The following EFNB2 variants were observed in gnomAD, a reference collection of about 807,000 sequenced individuals.
The protein encoded by EFNB2 is ephrin B2, also known as ephrin-B2.
EFNB2 carries 5 observed loss-of-function variants against 32.1 expected under a neutral mutation model. That is an observed-to-expected ratio of 0.16 (90% CI 0.08 to 0.33). EFNB2 has a LOEUF of 0.33. Ranked by LOEUF, EFNB2 falls within the 10% of genes least tolerant of loss-of-function variation. EFNB2 has a pLI of 1.00. For synonymous variants in EFNB2, 168 were observed against 166.5 expected (o/e 1.01, Z -0.07); for missense variants, 263 against 422.6 (o/e 0.62, Z 3.31).
At chr13:106,522,087 A>T (rs2138934876) in intron 1 of EFNB2, among the ~76,000 whole-genome samples, 1 of 152,246 alleles carries the variant, frequency 6.6e-6, no homozygotes, top group East Asian at 1.9e-4. Flanking sequence ...CCCCAAAAAA[A>T]TCAGCCTATG....
Position 106,512,813 on chromosome 13 carries a change from C to A in EFNB2, c.123-1G>T, listed in dbSNP as rs1258869666. On this transcript the variant is annotated splice_acceptor_variant, in intron 1 of 4. Coordinates refer to ENST00000646441, the MANE Select transcript of EFNB2 (RefSeq NM_004093.4). LOFTEE classifies it high-confidence loss of function. ...TACCAGTCCTTGTCCAGGTAGAAAT[C>A]TAAAAGCATAAGAAAAAAAAGCCAT... The A allele has an allele frequency of 6.5e-7, 1 of 1,544,008 alleles. No individual in the cohort carries two copies.
In EFNB2 at chr13:106,492,881, A is replaced by T; in HGVS notation, c.*159T>A. 1 of 918,578 alleles carries T rather than the reference A, an allele frequency of 1.1e-6. No individual in the cohort carries two copies. 56.9% of individuals were successfully genotyped at this position (918,578 alleles called of 1,614,324 possible). A position where few individuals can be genotyped will look rare whatever the true frequency, so the allele number is the denominator to read the frequency against. On this transcript the variant is annotated 3_prime_UTR_variant, in exon 5 of 5. Transcript: ENST00000646441. This position sits in a 1 kb window ranked among gnomAD's most constrained non-coding sequence, Gnocchi z 5.1. ...AAGGCCGAATGCTACAAGACTAGGT[A>T]AGCTGTCCAGCGCGACGGGCTCTTC...
chr13:106,500,582 G>A (rs960247486), intron 2 of EFNB2, among the ~76,000 whole-genome samples: 9 of 152,186 alleles, frequency 5.9e-5, no homozygotes, highest in African/African-American at 1.7e-4. Flanking sequence ...CCAGGGTCAT[G>A]AAAACCACAG....
Position 106,492,988 on chromosome 13 carries a change from A to T in EFNB2, c.*52T>A, listed in dbSNP as rs1345155096. ...GGGCTCTCAAACCCTCAAGGGAGGC[A>T]TCGGGACATTAGGTGTCCTCTGGGA... On this transcript the variant is annotated 3_prime_UTR_variant, in exon 5 of 5. Transcript: ENST00000646441. This position sits in a 1 kb window ranked among gnomAD's most constrained non-coding sequence, Gnocchi z 5.1. 6 of 1,547,648 alleles carry T rather than the reference A, an allele frequency of 3.9e-6. No individual in the cohort carries two copies. In the East Asian group the frequency reaches 9.0e-5, roughly 23 times the overall value.
chr13:106,505,999 G>A (rs1229238580), intron 2 of EFNB2: 2 of 152,210 alleles, frequency 1.3e-5, no homozygotes, highest in Non-Finnish European at 2.9e-5. Flanking sequence ...AGAGCCAGGA[G>A]TTTCTCAGTG....
At position 106,496,003 on chromosome 13, in the gene EFNB2, G is replaced by C. The variant is rs1878576691; in HGVS notation, c.407-163C>G. 2.0e-5 allele frequency among the ~76,000 whole-genome samples: 3 copies of C among 152,026 alleles called. No individual in the cohort carries two copies. In the South Asian group the frequency reaches 6.2e-4, roughly 32 times the overall value. ...GTATGGGGATGCTGAAAGCCAAAAA[G>C]AAAAAGAAAAAGAAATAAAGAGAAA... On this transcript the variant is annotated intron_variant, in intron 2 of 4. Coordinates refer to ENST00000646441, the MANE Select transcript of EFNB2 (RefSeq NM_004093.4).
At chr13:106,510,149 G>C (rs906442918) in intron 2 of EFNB2, 1 of 152,180 alleles carries the variant, frequency 6.6e-6, no homozygotes. Flanking sequence ...CTGATGGCCA[G>C]AGTAGTTCAG....
In EFNB2 at chr13:106,535,465, G is replaced by A. The variant is rs1390745833; in HGVS notation, c.-501C>T. The A allele has an allele frequency of 6.7e-6, 1 of 150,342 alleles. No homozygotes were observed. Among genetic ancestry groups the A allele is most frequent in the African/African-American group, 2.4e-5 (1 of 41,182 alleles). The allele number at this position is 150,342 out of a possible 1,614,324, so 9.3% of individuals were successfully genotyped here. On this transcript the variant is annotated 5_prime_UTR_variant, in exon 1 of 5. Coordinates refer to ENST00000646441, the MANE Select transcript of EFNB2 (RefSeq NM_004093.4). ...TCCATGTCCCGGAGCACGGAGCGGA[G>A]TAGGGCGCCTCCGGGCGCGCAGGAG...
chr13:106,501,658 T>C (rs1360908899), intron 2 of EFNB2, among the ~76,000 whole-genome samples: 1 of 151,864 alleles, frequency 6.6e-6, no homozygotes, highest in Non-Finnish European at 1.5e-5. Flanking sequence ...AGTGGTGTGA[T>C]CTTGGCTCAC....
rs898649378 is a variant in EFNB2, at chr13:106,492,196, T to G, written c.*844A>C. Reference sequence around the variant, plus strand: ...TCGTGTCTCCTACTGGCCTCTTCGATCTCAGCAAAACCAAAGTGCTGTGCT... The same window carrying G: ...TCGTGTCTCCTACTGGCCTCTTCGAGCTCAGCAAAACCAAAGTGCTGTGCT... On this transcript the variant is annotated 3_prime_UTR_variant, in exon 5 of 5. Coordinates refer to ENST00000646441, the MANE Select transcript of EFNB2 (RefSeq NM_004093.4). This position sits in a 1 kb window ranked among gnomAD's most constrained non-coding sequence, Gnocchi z 5.1. 6.5e-6 allele frequency: 1 copy of G among 152,690 alleles called. No individual in the cohort carries two copies. The highest frequency in any genetic ancestry group is 1.5e-5 in the Non-Finnish European group (1 of 68,076). The allele number at this position is 152,690 out of a possible 1,614,324, so 9.5% of individuals were successfully genotyped here. A position where few individuals can be genotyped will look rare whatever the true frequency, so the allele number is the denominator to read the frequency against.
At chr13:106,523,723 G>C (rs550732415) in intron 1 of EFNB2, among the ~76,000 whole-genome samples, 1 of 152,290 alleles carries the variant, frequency 6.6e-6, no homozygotes, top group African/African-American at 2.4e-5. Flanking sequence ...GGGCTGTACT[G>C]AATGAATCCA....
intron 1 of EFNB2, among the ~76,000 whole-genome samples, chr13:106,532,985 C>T (rs1879930649): frequency 6.6e-6 from 1 of 152,044 alleles, no homozygotes. Context: ...ACCGGATACA[C>T]ACAAACTAAT....
chr13:106,533,857 G>A lies in EFNB2; in HGVS notation c.122+986C>T, dbSNP rs147261370. 3.3e-3 allele frequency among the ~76,000 whole-genome samples: 501 copies of A among 152,334 alleles called. 6 individuals are homozygous for A. The highest frequency in any genetic ancestry group is 0.02 in the Admixed American group (305 of 15,308). ...GTGATTCGAAATAAGGGGATACACA[G>A]TACTGAATACCCAGATGACTACGAG... On this transcript the variant is annotated intron_variant, in intron 1 of 4. Coordinates refer to ENST00000646441, the MANE Select transcript of EFNB2 (RefSeq NM_004093.4).
Position 106,518,346 on chromosome 13 carries a change from A to T in EFNB2, c.123-5534T>A, listed in dbSNP as rs1192181097. 1 of 152,262 alleles carries T rather than the reference A, an allele frequency of 6.6e-6. No homozygotes were observed. Among genetic ancestry groups the T allele is most frequent in the Non-Finnish European group, 1.5e-5 (1 of 68,064 alleles). 9.4% of individuals were successfully genotyped at this position (152,262 alleles called of 1,614,324 possible). On this transcript the variant is annotated intron_variant, in intron 1 of 4. Transcript: ENST00000646441. The surrounding 1 kb of genome is among the most constrained non-coding windows in gnomAD (Gnocchi z 4.1). The stretch of plus-strand genomic sequence containing the variant: ...GCAAGACTCCGTCTCCAAAAAATAA[A>T]AAAATTAGTCATTATGCAACACAAT...
At chr13:106,532,660 A>G (rs1030321076) in intron 1 of EFNB2, among the ~76,000 whole-genome samples, 5 of 152,174 alleles carry the variant, frequency 3.3e-5, no homozygotes, top group Non-Finnish European at 5.9e-5. Flanking sequence ...TTATCCAGTC[A>G]TCCAGGCAGG....
chr13:106,512,391 A>AGGG, intron 2 of EFNB2, 138 bp downstream of exon 2: 2 of 374,530 alleles, frequency 5.3e-6, no homozygotes, highest in Non-Finnish European at 8.4e-6. Flanking sequence ...GAAAAAAAAA[A>AGGG]AGGGGGGGGG....
chr13:106,508,592 A>C (rs1879034443), intron 2 of EFNB2, among the ~76,000 whole-genome samples: 1 of 152,222 alleles, frequency 6.6e-6, no homozygotes, highest in African/African-American at 2.4e-5. Context: ...ACCCATATAC[A>C]GATGCTCCAT....
At chr13:106,510,596 C>T (rs537568195) in intron 2 of EFNB2, among the ~76,000 whole-genome samples, 9 of 151,216 alleles carry the variant, frequency 6.0e-5, no homozygotes, top group East Asian at 3.9e-4. Flanking sequence ...TCCCGTACCA[C>T]GACCTTCTTT....
chr13:106,494,971 T>C lies in EFNB2; in HGVS notation c.523A>G (p.Arg175Gly), dbSNP rs1022032711. 1.2e-6 allele frequency: 2 copies of C among 1,614,016 alleles called. No homozygotes were observed. Among genetic ancestry groups the C allele is most frequent in the African/African-American group, 2.7e-5 (2 of 74,954 alleles). ...GQDASSAGSTRNKDPTRRPEL... is the reference protein window; with the variant it reads ...GQDASSAGSTGNKDPTRRPEL... ...GGACGTCTTGTTGGATCTTTATTCC[T>C]GGTTGATCCAGCAGAACTTGCATCT... Residue 175 changes from arginine to glycine, a missense_variant, in exon 4 of 5, where the codon AGG (arginine) becomes GGG (glycine). By Grantham distance (125) the Arg-to-Gly change is moderately radical. Transcript: ENST00000646441.
Sources: gnomAD v4.1 joint callset for allele counts (sites outside exome capture counted in the v4.1 genomes callset) on GRCh38, gnomAD v4.1.1 for gene constraint, Gnocchi (gnomAD v3.1) non-coding constraint, MANE v1.5 for transcripts, NCBI Gene and HGNC (gene_info 2026-07-23, HGNC 2026-07-21) for gene names.